Variants in ARIH1 observed in about 807,000 individuals in gnomAD.
The protein encoded by ARIH1 is E3 ubiquitin-protein ligase ARIH1.
Under a neutral mutation model 85.0 loss-of-function variants are expected in ARIH1, and 8 were observed. That is an observed-to-expected ratio of 0.09 (90% CI 0.06 to 0.17). The LOEUF is 0.17. Among genes scored for constraint, ARIH1 ranks in the 10% least tolerant of loss-of-function variants. The pLI is 1.00. For missense variants in ARIH1, 311 were observed against 718.1 expected (o/e 0.43, Z 6.48); for synonymous variants, 238 against 253.6 (o/e 0.94, Z 0.59).
Position 72,474,543 on chromosome 15 carries a change from C to T in ARIH1, c.-97C>T. 4 of 1,403,478 alleles carry T rather than the reference C, an allele frequency of 2.9e-6. No homozygotes were observed. The highest frequency in any genetic ancestry group is 3.7e-6 in the Non-Finnish European group (4 of 1,072,278). The allele number at this position is 1,403,478 out of a possible 1,614,324, so 86.9% of individuals were successfully genotyped here. Reference sequence around the variant, plus strand: ...GCGGGGCCGGAGCCAGGCCTGCGTCCGGACATCAGCCGGAGCCGGAGCGAG... The same window carrying T: ...GCGGGGCCGGAGCCAGGCCTGCGTCTGGACATCAGCCGGAGCCGGAGCGAG... On this transcript the variant is annotated 5_prime_UTR_variant, in exon 1 of 14. Transcript: ENST00000379887.
At chr15:72,532,188 A>T (rs1424960205) in intron 2 of ARIH1, among the ~76,000 whole-genome samples, 1 of 151,076 alleles carries the variant, frequency 6.6e-6, no homozygotes, top group Non-Finnish European at 1.5e-5. Context: ...TTTAAGACTG[A>T]TAACGTTGAC....
At chr15:72,575,928 T>C (rs1209734337) in intron 11 of ARIH1, among the ~76,000 whole-genome samples, 1 of 152,140 alleles carries the variant, frequency 6.6e-6, no homozygotes, top group African/African-American at 2.4e-5. Flanking sequence ...ACTGTAGCCT[T>C]GAACTCCTGG....
intron 10 of ARIH1, among the ~76,000 whole-genome samples, chr15:72,570,737 G>T (rs1473722377): frequency 6.6e-6 from 1 of 152,172 alleles, no homozygotes; most frequent in African/African-American, 2.4e-5. Flanking sequence ...ATTGTGGAAT[G>T]CTTTAAAGCC....
intron 8 of ARIH1, 142 bp from the exon 9 acceptor site, chr15:72,566,964 C>G: frequency 1.6e-6 from 1 of 631,994 alleles, no homozygotes; most frequent in Non-Finnish European, 2.7e-6. Flanking sequence ...TATGGGATTT[C>G]CCTGGCTTAA....
At position 72,601,979 on chromosome 15, in the gene ARIH1, T is replaced by C. The variant is rs1229040584; in HGVS notation, c.*18687T>C. 1 of 152,232 alleles carries C rather than the reference T, an allele frequency of 6.6e-6. No individual in the cohort carries two copies. Among genetic ancestry groups the C allele is most frequent in the African/African-American group, 2.4e-5 (1 of 41,468 alleles). The allele number at this position is 152,232 out of a possible 1,614,324, so 9.4% of individuals were successfully genotyped here. ...GATACTATATGCATTTTCTGCACTT[T>C]ATCTGTTAATAATATATCTTGGCAA... On this transcript the variant is annotated 3_prime_UTR_variant, in exon 14 of 14. Coordinates refer to ENST00000379887, the MANE Select transcript of ARIH1 (RefSeq NM_005744.5).
intron 1 of ARIH1, among the ~76,000 whole-genome samples, chr15:72,493,989 C>T (rs2063869971): frequency 6.6e-6 from 1 of 152,070 alleles, no homozygotes; most frequent in Admixed American, 6.5e-5. Flanking sequence ...CTACGTGGTT[C>T]CCTCCCTCAC....
At position 72,500,313 on chromosome 15, in the gene ARIH1, T is replaced by A. The variant is rs1377359751; in HGVS notation, c.376-17754T>A. 2.0e-5 allele frequency among the ~76,000 whole-genome samples: 3 copies of A among 152,196 alleles called. No homozygotes were observed. In the East Asian group the frequency reaches 5.8e-4, roughly 29 times the overall value. ...TTTCACTGTGTTGGCCAGGATGATG[T>A]CGATCTCTTGACCTCGTGATCTGCC... On this transcript the variant is annotated intron_variant, in intron 1 of 13. Coordinates refer to ENST00000379887, the MANE Select transcript of ARIH1 (RefSeq NM_005744.5).
chr15:72,476,892 A>G (rs953768019), intron 1 of ARIH1, among the ~76,000 whole-genome samples: 3 of 152,198 alleles, frequency 2.0e-5, no homozygotes, highest in Non-Finnish European at 4.4e-5. Flanking sequence ...ACCTTCTGTC[A>G]AGTAAATTTT....
chr15:72,539,787 A>G (rs2064098440), intron 2 of ARIH1, among the ~76,000 whole-genome samples: 1 of 152,246 alleles, frequency 6.6e-6, no homozygotes, highest in Non-Finnish European at 1.5e-5. Context: ...TTCCTCAGTA[A>G]CAACAGGTAA....
chr15:72,482,027 G>A (rs2063818513), intron 1 of ARIH1, among the ~76,000 whole-genome samples: 1 of 151,918 alleles, frequency 6.6e-6, no homozygotes. Flanking sequence ...GTAGAGACGG[G>A]GTTTCACCAT....
At position 72,555,562 on chromosome 15, in the gene ARIH1, C is replaced by T. The variant is rs1244221339; in HGVS notation, c.681+199C>T. The stretch of plus-strand genomic sequence containing the variant: ...CCACTCCAGGTAACGTTTTCTCAGC[C>T]GGCATCAATATTGGTATATGTTAAC... On this transcript the variant is annotated intron_variant, in intron 4 of 13. Transcript: ENST00000379887. Among the ~76,000 whole-genome samples the T allele has an allele frequency of 3.9e-5, 6 of 152,168 alleles. No individual in the cohort carries two copies. The South Asian group carries it at 8.3e-4, about 21-fold the overall frequency.
At chr15:72,500,078 G>A (rs761191585) in intron 1 of ARIH1, among the ~76,000 whole-genome samples, 38 of 147,492 alleles carry the variant, frequency 2.6e-4, no homozygotes, top group Non-Finnish European at 4.5e-4. Flanking sequence ...AAGACTGATA[G>A]TAGTCTGGTT....
At chr15:72,554,388 AT>A (rs2064165997) in intron 3 of ARIH1, among the ~76,000 whole-genome samples, 1 of 151,978 alleles carries the variant, frequency 6.6e-6, no homozygotes, top group South Asian at 2.1e-4. Context: ...TGTTATTAAT[AT>A]TGGCTTTTTT....
intron 5 of ARIH1, among the ~76,000 whole-genome samples, chr15:72,558,030 A>C (rs1273621877): frequency 1.3e-5 from 2 of 151,982 alleles, no homozygotes; most frequent in Non-Finnish European, 2.9e-5. Context: ...GATACATTTT[A>C]TTTCTTTCTC....
intron 11 of ARIH1, among the ~76,000 whole-genome samples, chr15:72,578,218 AC>A (rs1257658576): frequency 1.3e-5 from 2 of 152,230 alleles, no homozygotes; most frequent in Non-Finnish European, 2.9e-5. Context: ...TGTTGTAGAT[AC>A]TGCGAAGTCA....
Position 72,593,241 on chromosome 15 carries a change from T to C in ARIH1, c.*9949T>C, listed in dbSNP as rs1315642193. The C allele has an allele frequency of 2.0e-5, 3 of 152,184 alleles. No homozygotes were observed. Among genetic ancestry groups the C allele is most frequent in the Non-Finnish European group, 4.4e-5 (3 of 68,008 alleles). The allele number at this position is 152,184 out of a possible 1,614,324, so 9.4% of individuals were successfully genotyped here. On this transcript the variant is annotated 3_prime_UTR_variant, in exon 14 of 14. Coordinates refer to ENST00000379887, the MANE Select transcript of ARIH1 (RefSeq NM_005744.5). ...TTTCATGTCTTTTCTCATTTTAAAG[T>C]TGGGTGTCTTTTTATTGTAGGTGTT...
intron 2 of ARIH1, among the ~76,000 whole-genome samples, chr15:72,520,575 T>TA (rs2063995114): frequency 1.3e-5 from 2 of 152,178 alleles, no homozygotes; most frequent in Non-Finnish European, 2.9e-5. Context: ...GTGCTTTATA[T>TA]TTGTTATGTT....
chr15:72,572,007 G>T, intron 10 of ARIH1, 101 bp from the exon 11 acceptor site: 1 of 777,198 alleles, frequency 1.3e-6, no homozygotes, highest in Non-Finnish European at 2.1e-6. Context: ...GATAACGTTG[G>T]TGTTAGATAA....
intron 5 of ARIH1, among the ~76,000 whole-genome samples, chr15:72,559,293 A>C (rs1389966323): frequency 6.6e-6 from 1 of 152,052 alleles, no homozygotes; most frequent in Non-Finnish European, 1.5e-5. Context: ...TTAAGATGGA[A>C]TCTCTCTCTG....
Sources: allele counts gnomAD v4.1 joint callset (sites outside exome capture counted in the v4.1 genomes callset), GRCh38; gene constraint gnomAD v4.1.1; transcripts MANE v1.5; gene names NCBI Gene and HGNC (gene_info 2026-07-23, HGNC 2026-07-21).